The following EML2 variants were observed in gnomAD, a reference collection of about 807,000 sequenced individuals.
EML2 encodes the protein echinoderm microtubule-associated protein-like 2.
EML2 carries 59 observed loss-of-function variants against 84.7 expected under a neutral mutation model. The ratio of observed to expected loss-of-function variants is 0.70; its 90% CI spans 0.56 to 0.86. EML2 has a LOEUF of 0.86. Ranked by LOEUF, EML2 falls within the 40% of genes least tolerant of loss-of-function variation. The probability of loss-of-function intolerance (pLI) is 0.00; values close to 1 mark genes in which losing one functional copy is unlikely to be tolerated. For synonymous variants in EML2, 352 were observed against 348.9 expected (o/e 1.01, Z -0.10); for missense variants, 818 against 855.6 (o/e 0.96, Z 0.55).
chr19:45,642,580 T>G, upstream of EML2: 1,233 of 1,128,342 alleles, frequency 1.1e-3, no homozygotes, highest in Non-Finnish European at 1.3e-3. Flanking sequence ...CACAGCGCGC[T>G]GGCCGTGTGA....
intron 17 of EML2, among the ~76,000 whole-genome samples, chr19:45,614,330 G>A (rs1970794494): frequency 1.3e-5 from 2 of 152,242 alleles, no homozygotes; most frequent in Non-Finnish European, 1.5e-5. Context: ...CAGGGAATAT[G>A]TGTTTGCTTC....
intron 8 of EML2, among the ~76,000 whole-genome samples, chr19:45,625,522 G>A (rs1972207026): frequency 6.6e-6 from 1 of 152,006 alleles, no homozygotes; most frequent in Admixed American, 6.6e-5. Flanking sequence ...GATTACAGGC[G>A]TGAGCCACCG....
At chr19:45,621,050 T>C (rs1347228964) in intron 11 of EML2, 157 bp downstream of exon 11, 4 of 1,165,094 alleles carry the variant, frequency 3.4e-6, no homozygotes, top group Non-Finnish European at 4.9e-6. Context: ...TCTTGGTTGC[T>C]GGATCCTGGG....
chr19:45,631,148 A>G (rs1356390577), intron 6 of EML2, among the ~76,000 whole-genome samples: 1 of 152,024 alleles, frequency 6.6e-6, no homozygotes, highest in Non-Finnish European at 1.5e-5. Context: ...CGCCTGGCCA[A>G]TGTTGGGCTT....
intron 15 of EML2, 112 bp from the exon 16 acceptor site, chr19:45,616,001 CAAGGGGACTAAAGG>C: frequency 1.3e-6 from 1 of 780,886 alleles, no homozygotes; most frequent in East Asian, 2.7e-5. Flanking sequence ...GGCGAGAACA[CAAGGGGACTAAAGG>C]AAGGATACAC....
upstream of EML2, chr19:45,643,455 C>T: frequency 1.5e-6 from 2 of 1,295,794 alleles, no homozygotes; most frequent in South Asian, 2.6e-5. Context: ...TTTGGCTCTC[C>T]AGCCTATGGG....
chr19:45,643,090 AC>A (rs946192887), upstream of EML2, among the ~76,000 whole-genome samples: 180 of 152,338 alleles, frequency 1.2e-3, 1 homozygote, highest in African/African-American at 4.1e-3. Context: ...AATGACACCA[AC>A]CTACTCCTAA....
At chr19:45,645,264 G>C (rs1159207288), upstream of EML2, 1 of 1,532,814 alleles carries the variant, frequency 6.5e-7, no homozygotes, top group African/African-American at 1.4e-5. Context: ...AACTGAGGAG[G>C]GGTCTCACCG....
At chr19:45,638,222 A>T (rs1973999317) in intron 3 of EML2, among the ~76,000 whole-genome samples, 1 of 152,250 alleles carries the variant, frequency 6.6e-6, no homozygotes. Context: ...TCACACGGCC[A>T]GGTACGGGCT....
chr19:45,642,691 A>G (rs1974668021), upstream of EML2: 6 of 304,842 alleles, frequency 2.0e-5, no homozygotes, highest in South Asian at 3.4e-4. Flanking sequence ...GACCAGGCGC[A>G]GTGGCTCACG....
rs1970833096 is a variant in EML2, at chr19:45,614,699, C to T, written c.1599G>A (p.Trp533Ter). The change falls in exon 17 of 19, where the codon TGG (tryptophan) becomes TGA (stop). Residue 533 changes from tryptophan to a stop codon, truncating the protein, a stop_gained and splice_region_variant. Transcript: ENST00000245925. LOFTEE classifies it high-confidence loss of function. ...TNSGDYEILYWDPATCKQITS... is the reference protein window; with the variant it reads ...TNSGDYEILY ...TGATCTGCTTACAGGTAGCCGGGTC[C>T]CCTGGGGCAGAAAATGGGAGGAGAC... 2 of 1,613,564 alleles carry T rather than the reference C, an allele frequency of 1.2e-6. No individual in the cohort carries two copies. The highest frequency in any genetic ancestry group is 1.7e-5 in the Admixed American group (1 of 59,950).
chr19:45,639,995 A>AAAAT (rs57199936), upstream of EML2: 59,272 of 151,230 alleles, frequency 0.39, 11,637 homozygotes, highest in East Asian at 0.52. Flanking sequence ...ACTCCGTCTC[A>AAAAT]AAATAAATAA....
rs1970270107 is a variant in EML2 at position 45,609,596 on chromosome 19, T to C, written c.*67A>G. ...GACATACTCTGGGTATATATTACTCTACTCGGCAATAGACATCTCCCGAAA... is the reference window on the plus strand; with the variant it reads ...GACATACTCTGGGTATATATTACTCCACTCGGCAATAGACATCTCCCGAAA... On this transcript the variant is annotated 3_prime_UTR_variant, in exon 19 of 19. Coordinates refer to ENST00000245925, the MANE Select transcript of EML2 (RefSeq NM_012155.4). 3 of 1,507,330 alleles carry C rather than the reference T, an allele frequency of 2.0e-6. No individual in the cohort carries two copies. Among genetic ancestry groups the C allele is most frequent in the South Asian group, 2.5e-5 (2 of 81,344 alleles). 93.4% of individuals were successfully genotyped at this position (1,507,330 alleles called of 1,614,324 possible). A position where few individuals can be genotyped will look rare whatever the true frequency, so the allele number is the denominator to read the frequency against.
In EML2 at chr19:45,633,144, G is replaced by A. The variant is rs773337079; in HGVS notation, c.330-5C>T. 1.2e-6 allele frequency: 2 copies of A among 1,605,710 alleles called. No individual in the cohort carries two copies. The highest frequency in any genetic ancestry group is 1.1e-5 in the South Asian group (1 of 89,286). On this transcript the variant is annotated splice_region_variant and splice_polypyrimidine_tract_variant and intron_variant, in intron 4 of 18. Coordinates refer to ENST00000245925, the MANE Select transcript of EML2 (RefSeq NM_012155.4). ...ATATCTGGGTGGATGGCCAAGCTGC[G>A]GAAAGAAGGGACAGAGAGACCAGGG...
intron 7 of EML2, among the ~76,000 whole-genome samples, chr19:45,628,464 G>A (rs988341458): frequency 3.9e-5 from 6 of 152,040 alleles, no homozygotes; most frequent in African/African-American, 1.2e-4. Context: ...AGCTCACCTA[G>A]CCCTAATTCC....
intron 12 of EML2, 103 bp downstream of exon 12, chr19:45,618,957 A>T: frequency 7.6e-7 from 1 of 1,323,596 alleles, no homozygotes; most frequent in Non-Finnish European, 9.9e-7. Flanking sequence ...GAAGAAAAAA[A>T]AAAAAAGACC....
intron 9 of EML2, among the ~76,000 whole-genome samples, chr19:45,622,160 T>C (rs1332771968): frequency 1.3e-5 from 2 of 152,064 alleles, no homozygotes; most frequent in African/African-American, 4.8e-5. Context: ...CACTAACATC[T>C]ACCCATCCAC....
intron 3 of EML2, among the ~76,000 whole-genome samples, chr19:45,638,250 C>A (rs1378618687): frequency 2.6e-5 from 4 of 152,240 alleles, no homozygotes; most frequent in Admixed American, 2.6e-4. Context: ...GGTTTGAACC[C>A]ATCTCTGTCA....
intron 9 of EML2, among the ~76,000 whole-genome samples, chr19:45,622,933 C>T (rs1285807292): frequency 1.3e-5 from 2 of 150,930 alleles, no homozygotes; most frequent in African/African-American, 4.9e-5. Flanking sequence ...CCTGTAGTCC[C>T]AGCTACTTGG....
Sources: gnomAD v4.1 joint callset for allele counts (sites outside exome capture counted in the v4.1 genomes callset) on GRCh38, gnomAD v4.1.1 for gene constraint, MANE v1.5 for transcripts, NCBI Gene and HGNC (gene_info 2026-07-23, HGNC 2026-07-21) for gene names.